Variants in NHS observed in about 807,000 individuals in gnomAD.
NHS encodes NHS actin remodeling regulator.
Under a neutral mutation model 72.5 loss-of-function variants are expected in NHS, and 5 were observed. The ratio of observed to expected loss-of-function variants is 0.07; its 90% confidence interval spans 0.04 to 0.14. The LOEUF is 0.14. NHS is among the 10% of genes least tolerant of loss of function. The pLI is 1.00. For missense variants in NHS, 1,072 were observed against 1,355.7 expected, an observed-to-expected ratio of 0.79 and a Z score of 3.29; for synonymous variants, 464 against 547.7, an observed-to-expected ratio of 0.85 and a Z score of 2.13.
chrX:17,467,543 CA>C (rs1316274845), intron 1 of NHS, among the ~76,000 whole-genome samples: 1 of 112,179 alleles, frequency 8.9e-6, no homozygotes, highest in East Asian at 2.8e-4. Context: ...ACCATTCCTT[CA>C]AATTATAATT....
chrX:17,395,876 A>G (rs1309975921), intron 1 of NHS, among the ~76,000 whole-genome samples: 1 of 112,636 alleles, frequency 8.9e-6, no homozygotes, highest in South Asian at 3.6e-4. Flanking sequence ...GCTTATAAGT[A>G]AGAAATATTG....
At position 17,734,192 on chromosome X, in the gene NHS, C is replaced by A. The variant is rs965791824; in HGVS notation, c.*1728C>A. The A allele has an allele frequency of 8.9e-6, 1 of 111,845 alleles. No homozygotes were observed. Among genetic ancestry groups the A allele is most frequent in the African/African-American group, 3.3e-5 (1 of 30,657 alleles). 9.2% of individuals were successfully genotyped at this position (111,845 alleles called of 1,213,427 possible). A position where few individuals can be genotyped will look rare whatever the true frequency, so the allele number is the denominator to read the frequency against. Reference sequence around the variant, plus strand: ...AAATTGACAAGCTGCTGGCTTTAAGCTTATGCAAGTGGTAGTTGGGAAAGT... The same window carrying A: ...AAATTGACAAGCTGCTGGCTTTAAGATTATGCAAGTGGTAGTTGGGAAAGT... On this transcript the variant is annotated 3_prime_UTR_variant, in exon 9 of 9. Transcript: ENST00000676302.
At chrX:17,717,760 T>C (rs1448257442) in intron 3 of NHS, among the ~76,000 whole-genome samples, 2 of 111,939 alleles carry the variant, frequency 1.8e-5, no homozygotes, top group Non-Finnish European at 3.8e-5. Context: ...GATCACACAC[T>C]CATGAAATTG....
intron 2 of NHS, among the ~76,000 whole-genome samples, chrX:17,691,706 A>G (rs5955745): frequency 0.27 from 29,607 of 111,292 alleles, 7,514 homozygotes; most frequent in African/African-American, 0.79. Flanking sequence ...GCATGGCAGT[A>G]AAGGCACCCA....
intron 1 of NHS, among the ~76,000 whole-genome samples, chrX:17,538,308 G>C (rs1452446183): frequency 8.9e-6 from 1 of 111,884 alleles, no homozygotes; most frequent in Non-Finnish European, 1.9e-5. Flanking sequence ...AAGCAGACAT[G>C]ACATGAGGAA....
chrX:17,716,962 CTTTTTTT>C (rs768134707), intron 3 of NHS, among the ~76,000 whole-genome samples: 1 of 95,517 alleles, frequency 1.0e-5, no homozygotes, highest in African/African-American at 3.8e-5. Context: ...TCCCCTTACT[CTTTTTTT>C]TTTTTTTTTT....
intron 1 of NHS, among the ~76,000 whole-genome samples, chrX:17,554,943 G>A (rs2065360669): frequency 9.1e-6 from 1 of 109,989 alleles, no homozygotes; most frequent in Admixed American, 9.7e-5. Flanking sequence ...GTGGTTTGCT[G>A]CACCCATCAA....
At chrX:17,676,723 C>A (rs1048069403) in intron 1 of NHS, among the ~76,000 whole-genome samples, 1 of 112,161 alleles carries the variant, frequency 8.9e-6, no homozygotes, top group Non-Finnish European at 1.9e-5. Context: ...TAAGCTCAGG[C>A]GTGGAAGCCT....
chrX:17,725,820 C>T lies in NHS; in HGVS notation c.1714C>T (p.Pro572Ser), dbSNP rs150688899. The change falls in exon 7 of 9, where the codon CCC becomes TCC. Residue 572 changes from proline (P) to serine (S), a missense_variant. Pro to Ser is a moderately conservative substitution (Grantham distance 74). Transcript: ENST00000676302. ...GGCCTGCTCTCAACATCTTCACAGCCCCCAGCACAAATTAAGTGAGAGGGG... is the reference window on the plus strand; with the variant it reads ...GGCCTGCTCTCAACATCTTCACAGCTCCCAGCACAAATTAAGTGAGAGGGG... ...GLACSQHLHS[P>S]QHKLSERGRS... The T allele has an allele frequency of 0.022, 26,449 of 1,209,406 alleles. 888 individuals carry two copies. The highest frequency in any genetic ancestry group is 0.19 in the African/African-American group (10,522 of 56,824).
At chrX:17,588,355 T>TG (rs2065585972) in intron 1 of NHS, among the ~76,000 whole-genome samples, 1 of 111,621 alleles carries the variant, frequency 9.0e-6, no homozygotes, top group Non-Finnish European at 1.9e-5. Flanking sequence ...CTCAAGACTA[T>TG]GGAAGGGATT....
intron 1 of NHS, among the ~76,000 whole-genome samples, chrX:17,609,782 G>T (rs1316592076): frequency 8.9e-6 from 1 of 111,753 alleles, no homozygotes; most frequent in African/African-American, 3.3e-5. Context: ...GTGATGGGAA[G>T]TAAGGAGTGG....
intron 1 of NHS, among the ~76,000 whole-genome samples, chrX:17,509,518 C>T (rs926248406): frequency 3.6e-5 from 4 of 112,491 alleles, no homozygotes; most frequent in Non-Finnish European, 7.5e-5. Context: ...TGAGCCACCA[C>T]GCCTGGCCCA....
chrX:17,531,297 C>T (rs2065197392), intron 1 of NHS, among the ~76,000 whole-genome samples: 1 of 107,993 alleles, frequency 9.3e-6, no homozygotes, highest in African/African-American at 3.4e-5. Context: ...CCTGGTGCCC[C>T]AGCCTTCCCA....
At chrX:17,596,011 C>T (rs1199169998) in intron 1 of NHS, among the ~76,000 whole-genome samples, 3 of 104,806 alleles carry the variant, frequency 2.9e-5, no homozygotes, top group Non-Finnish European at 5.8e-5. Flanking sequence ...AGTTAAATTA[C>T]AGACAATTTG....
intron 1 of NHS, among the ~76,000 whole-genome samples, chrX:17,573,459 C>T (rs2065492882): frequency 9.2e-6 from 1 of 109,100 alleles, no homozygotes; most frequent in Non-Finnish European, 1.9e-5. Flanking sequence ...CTTTCTTCTG[C>T]TTGATCGAGT....
intron 1 of NHS, among the ~76,000 whole-genome samples, chrX:17,404,406 G>A (rs992993529): frequency 9.0e-5 from 10 of 111,498 alleles, no homozygotes; most frequent in Admixed American, 2.8e-4. Flanking sequence ...AGAGTCTGAA[G>A]CACTATATTG....
At chrX:17,424,352 T>C (rs760807052) in intron 1 of NHS, among the ~76,000 whole-genome samples, 1 of 112,029 alleles carries the variant, frequency 8.9e-6, no homozygotes, top group South Asian at 3.8e-4. Flanking sequence ...GAATTTCTCC[T>C]CATGAAAGAC....
At chrX:17,432,963 G>A (rs1416748385) in intron 1 of NHS, among the ~76,000 whole-genome samples, 1 of 111,708 alleles carries the variant, frequency 9.0e-6, no homozygotes, top group African/African-American at 3.3e-5. Flanking sequence ...AAGTTTTATT[G>A]GAGTTCAACA....
intron 3 of NHS, among the ~76,000 whole-genome samples, chrX:17,712,407 T>C (rs1476877759): frequency 1.0e-5 from 1 of 99,092 alleles, no homozygotes; most frequent in Non-Finnish European, 2.0e-5. Context: ...TATATATATA[T>C]ATATATTGCA....
Sources: allele counts gnomAD v4.1 joint callset (sites outside exome capture counted in the v4.1 genomes callset), GRCh38; gene constraint gnomAD v4.1.1; transcripts MANE v1.5; gene names NCBI Gene and HGNC (gene_info 2026-07-23, HGNC 2026-07-21).